Variants in DNMT1 observed in about 807,000 individuals in gnomAD.
The protein encoded by DNMT1 is DNA (cytosine-5)-methyltransferase 1.
DNMT1 carries 24 observed loss-of-function variants against 205.3 expected under a neutral mutation model. The observed-to-expected ratio is 0.12, with a 90% CI of 0.08 to 0.16. DNMT1 has a LOEUF of 0.16. Among genes scored for constraint, DNMT1 ranks in the 10% least tolerant of loss-of-function variants. The pLI, the probability that DNMT1 is intolerant of heterozygous loss-of-function variation, is 1.00. For missense variants in DNMT1, 1,293 were observed against 2,177.7 expected (o/e 0.59, Z 8.09); for synonymous variants, 817 against 839.8 (o/e 0.97, Z 0.47).
intron 10 of DNMT1, among the ~76,000 whole-genome samples, chr19:10,167,249 G>C (rs972137881): frequency 6.6e-6 from 1 of 151,410 alleles, no homozygotes; most frequent in Non-Finnish European, 1.5e-5. Flanking sequence ...ACCCTGGAGT[G>C]CAGTGATGTG....
In DNMT1 at chr19:10,171,898, T is replaced by C. The variant is rs534453319; in HGVS notation, c.768+1192A>G. 6.6e-4 allele frequency among the ~76,000 whole-genome samples: 100 copies of C among 151,582 alleles called. 2 individuals are homozygous for C. The highest frequency in any genetic ancestry group is 2.3e-3 in the African/African-American group (97 of 41,368). Reference sequence around the variant, plus strand: ...GGCAGGCGCCTGTAGCCCCAGCTAGTTGGGAGGCTGGGACATGAGAATTAC... The same window carrying C: ...GGCAGGCGCCTGTAGCCCCAGCTAGCTGGGAGGCTGGGACATGAGAATTAC... On this transcript the variant is annotated intron_variant, in intron 9 of 40. Coordinates refer to ENST00000359526, the MANE Select transcript of DNMT1 (RefSeq NM_001130823.3).
In DNMT1 at chr19:10,133,578, T is replaced by C; in HGVS notation, c.*89A>G. 3.4e-6 allele frequency: 5 copies of C among 1,468,360 alleles called. No homozygotes were observed. Among genetic ancestry groups the C allele is most frequent in the South Asian group, 1.2e-5 (1 of 82,386 alleles). The allele number at this position is 1,468,360 out of a possible 1,614,324, so 91.0% of individuals were successfully genotyped here. On this transcript the variant is annotated 3_prime_UTR_variant, in exon 41 of 41. Coordinates refer to ENST00000359526, the MANE Select transcript of DNMT1 (RefSeq NM_001130823.3). This position sits in a 1 kb window ranked among gnomAD's most constrained non-coding sequence, Gnocchi z 4.1. ...CCACAAACACCATGTACCACACATG[T>C]GAACGGACAGATTGACATGTTAAAA...
intron 11 of DNMT1, among the ~76,000 whole-genome samples, chr19:10,165,728 G>T (rs890135834): frequency 2.6e-5 from 4 of 152,164 alleles, no homozygotes; most frequent in African/African-American, 9.7e-5. Context: ...AAAAGTGCTG[G>T]CAGTGTGAGC....
chr19:10,172,918 C>T (rs1471663645), intron 9 of DNMT1, among the ~76,000 whole-genome samples, 172 bp downstream of exon 9: 2 of 152,076 alleles, frequency 1.3e-5, no homozygotes, highest in South Asian at 2.1e-4. Context: ...GTAGAGACCA[C>T]GAGAAAACAA....
chr19:10,181,946 G>T, intron 2 of DNMT1, 95 bp downstream of exon 2: 1 of 1,146,432 alleles, frequency 8.7e-7, no homozygotes, highest in Non-Finnish European at 1.3e-6. Flanking sequence ...GGGAAAAAAT[G>T]CAAAATCCAT....
intron 9 of DNMT1, among the ~76,000 whole-genome samples, chr19:10,169,848 G>A (rs972496402): frequency 9.8e-5 from 15 of 152,302 alleles, no homozygotes; most frequent in Middle Eastern, 3.4e-3. Context: ...GAGGGATTTC[G>A]ATCTTGCCCC....
chr19:10,183,067 A>G (rs1445934576), intron 1 of DNMT1, among the ~76,000 whole-genome samples: 2 of 130,178 alleles, frequency 1.5e-5, no homozygotes, highest in Non-Finnish European at 3.1e-5. Context: ...GTATATATGT[A>G]TACATATGTG....
In DNMT1 at chr19:10,180,336, T is replaced by A; in HGVS notation, c.445+14A>T. 1.9e-6 allele frequency: 3 copies of A among 1,608,172 alleles called. No individual in the cohort carries two copies. The highest frequency in any genetic ancestry group is 2.5e-6 in the Non-Finnish European group (3 of 1,179,876). ...CAAAAACAATTAAAAATAAAAGGAA[T>A]CATCTGCTCTTACGCTTAGCCTCTC... is the stretch of plus-strand genomic sequence containing the variant. On this transcript the variant is annotated intron_variant, in intron 4 of 40. Transcript: ENST00000359526.
chr19:10,136,729 C>T (rs2089489945), intron 37 of DNMT1, among the ~76,000 whole-genome samples: 1 of 151,130 alleles, frequency 6.6e-6, no homozygotes, highest in Middle Eastern at 3.2e-3. Context: ...AGCCATCGTG[C>T]CTGACCTGCT....
At chr19:10,177,963 G>A (rs1004491760) in intron 5 of DNMT1, among the ~76,000 whole-genome samples, 12 of 149,824 alleles carry the variant, frequency 8.0e-5, no homozygotes, top group Admixed American at 4.0e-4. Flanking sequence ...AAGAAAGAAA[G>A]AAAAAAAAGA....
Position 10,160,402 on chromosome 19 carries a change from T to C in DNMT1, c.1025A>G (p.Lys342Arg), listed in dbSNP as rs763026348. The part of the protein sequence containing the change: ...DEDEKEEKRR[K>R]TTPKEPTEKK... ...TTCTTACGGTTCTTTGGGGGTCGTT[T>C]TGCGTCTCTTCTCCTCCTACACAGG... The change falls in exon 14 of 41, where the codon AAA becomes AGA. Residue 342 changes from lysine (K) to arginine (R), a missense_variant. This residue lies in a region of DNMT1 where 394 missense variants were observed against 451.6 expected (regional missense o/e 0.87). Transcript: ENST00000359526. 6.2e-7 allele frequency: 1 copy of C among 1,614,158 alleles called. No homozygotes were observed. The highest frequency in any genetic ancestry group is 1.1e-5 in the South Asian group (1 of 91,082).
At chr19:10,162,594 G>T in intron 13 of DNMT1, 73 bp downstream of exon 13, 2 of 1,496,002 alleles carry the variant, frequency 1.3e-6, no homozygotes, top group Non-Finnish European at 1.8e-6. Flanking sequence ...ACCAGCCTGG[G>T]CAACATGGCG....
In DNMT1 at chr19:10,146,640, G is replaced by A; in HGVS notation, c.2721-116C>T. 1.5e-6 allele frequency: 2 copies of A among 1,333,802 alleles called. No homozygotes were observed. The highest frequency in any genetic ancestry group is 2.1e-6 in the Non-Finnish European group (2 of 962,880). The allele number at this position is 1,333,802 out of a possible 1,614,324, so 82.6% of individuals were successfully genotyped here. A position where few individuals can be genotyped will look rare whatever the true frequency, so the allele number is the denominator to read the frequency against. The stretch of plus-strand genomic sequence containing the variant: ...TAACCAAGAGGAAAAAACATTTGCA[G>A]ATGCTAGAAGGAAGAGGTGGCTTTC... On this transcript the variant is annotated intron_variant, in intron 27 of 40. Coordinates refer to ENST00000359526, the MANE Select transcript of DNMT1 (RefSeq NM_001130823.3). The surrounding 1 kb of genome is among the most constrained non-coding windows in gnomAD (Gnocchi z 4.4).
rs572771476 is a variant in DNMT1 at position 10,191,416 on chromosome 19, T to C, written c.80+3404A>G. On this transcript the variant is annotated intron_variant, in intron 1 of 40. Transcript: ENST00000359526. The stretch of plus-strand genomic sequence containing the variant: ...TGAGTCATATAAACTACAATTTCAA[T>C]GTCTACCACATGGTCAAAAGCAGTC... Among the ~76,000 whole-genome samples, 25 of 149,030 alleles carry C rather than the reference T, an allele frequency of 1.7e-4. No individual in the cohort carries two copies. In the East Asian group the frequency reaches 3.1e-3, roughly 19 times the overall value.
chr19:10,141,427 G>A (rs2089598799), intron 30 of DNMT1: 4 of 530,320 alleles, frequency 7.5e-6, no homozygotes, highest in Non-Finnish European at 1.4e-5. Flanking sequence ...GCACTTGAGA[G>A]TACCTTCTAG....
intron 1 of DNMT1, among the ~76,000 whole-genome samples, chr19:10,191,392 G>A (rs1416461200): frequency 6.6e-6 from 1 of 150,464 alleles, no homozygotes; most frequent in Non-Finnish European, 1.5e-5. Context: ...TCTGTGGAGT[G>A]AGTCATATAA....
In DNMT1 at chr19:10,156,628, T is replaced by C. The variant is rs778797366; in HGVS notation, c.1281-119A>G. 1.7e-4 allele frequency: 128 copies of C among 775,442 alleles called. No individual in the cohort carries two copies. Among genetic ancestry groups the C allele is most frequent in the Admixed American group, 2.5e-4 (13 of 51,388 alleles). 48.0% of individuals were successfully genotyped at this position (775,442 alleles called of 1,614,324 possible). ...TACAAGTCTGACACTCTTTTTTTGT[T>C]TGTTTTTGAGACAGAGTCTTGCTCT... On this transcript the variant is annotated intron_variant, in intron 17 of 40. Coordinates refer to ENST00000359526, the MANE Select transcript of DNMT1 (RefSeq NM_001130823.3). The surrounding 1 kb of genome is among the most constrained non-coding windows in gnomAD (Gnocchi z 4.2).
At chr19:10,134,848 A>G (rs1313314516) in intron 39 of DNMT1, among the ~76,000 whole-genome samples, 2 of 143,134 alleles carry the variant, frequency 1.4e-5, no homozygotes, top group Non-Finnish European at 3.0e-5. Flanking sequence ...ACAGAGTGAG[A>G]CCCTGTCTCA....
rs1469485594 is a variant in DNMT1, at chr19:10,154,869, G to A, written c.1644+36C>T. On this transcript the variant is annotated intron_variant, in intron 20 of 40. Coordinates refer to ENST00000359526, the MANE Select transcript of DNMT1 (RefSeq NM_001130823.3). This position sits in a 1 kb window ranked among gnomAD's most constrained non-coding sequence, Gnocchi z 6.3. ...CTGGTTCTGAAGGCAAGTTTCCAGT[G>A]GGAATCCCGGATGCTGAGGACCCTC... 9.3e-6 allele frequency: 15 copies of A among 1,614,074 alleles called. No homozygotes were observed. The highest frequency in any genetic ancestry group is 1.3e-5 in the African/African-American group (1 of 74,924).
Sources: allele counts gnomAD v4.1 joint callset (sites outside exome capture counted in the v4.1 genomes callset), GRCh38; gene constraint gnomAD v4.1.1; regional missense constraint gnomAD v4.1.1; non-coding constraint Gnocchi (gnomAD v3.1); transcripts MANE v1.5; gene names NCBI Gene and HGNC (gene_info 2026-07-23, HGNC 2026-07-21).